Variants in VPS41 observed in about 807,000 individuals in gnomAD.
VPS41 encodes the protein VPS41 subunit of HOPS complex, also known as vacuolar protein sorting-associated protein 41 homolog.
A neutral mutation model predicts 130.9 loss-of-function variants in VPS41; 85 were observed. The ratio of observed to expected loss-of-function variants is 0.65; its 90% CI spans 0.55 to 0.78. The LOEUF (loss-of-function observed/expected upper bound fraction) is 0.78. VPS41 is among the 30% of genes least tolerant of loss of function. VPS41 has a pLI of 0.00. For missense variants in VPS41, 874 were observed against 1,018.7 expected (o/e 0.86, Z 1.93); for synonymous variants, 335 against 332.9 (o/e 1.01, Z -0.07).
chr7:38,858,782 A>G (rs993362662), intron 4 of VPS41, among the ~76,000 whole-genome samples: 29 of 152,352 alleles, frequency 1.9e-4, no homozygotes, highest in African/African-American at 7.0e-4. Context: ...TGTACTACAT[A>G]ATACGTGATA....
intron 25 of VPS41, among the ~76,000 whole-genome samples, chr7:38,734,177 A>C (rs1245273717): frequency 1.3e-5 from 2 of 152,230 alleles, no homozygotes; most frequent in African/African-American, 4.8e-5. Flanking sequence ...CTCAAAAAAT[A>C]CTTGTAGGCA....
intron 3 of VPS41, 102 bp downstream of exon 3, chr7:38,869,044 T>C: frequency 2.4e-6 from 2 of 819,646 alleles, no homozygotes; most frequent in Non-Finnish European, 3.9e-6. Flanking sequence ...GGAGACAGAA[T>C]CACTGTAAAA....
chr7:38,740,467 C>T (rs1303255431), intron 25 of VPS41, among the ~76,000 whole-genome samples: 1 of 152,188 alleles, frequency 6.6e-6, no homozygotes, highest in African/African-American at 2.4e-5. Context: ...CCTCTCTTTG[C>T]CTATTAACCC....
chr7:38,791,721 G>A (rs1186451823), intron 9 of VPS41, among the ~76,000 whole-genome samples: 4 of 152,228 alleles, frequency 2.6e-5, no homozygotes, highest in Admixed American at 6.5e-5. Context: ...GGAGAGTAAC[G>A]GAGAGGCAGA....
intron 7 of VPS41, among the ~76,000 whole-genome samples, chr7:38,806,949 C>T (rs565925861): frequency 7.2e-5 from 11 of 152,322 alleles, no homozygotes; most frequent in African/African-American, 1.9e-4. Context: ...AGGACAGAAG[C>T]AAGACCACTC....
intron 19 of VPS41, among the ~76,000 whole-genome samples, chr7:38,756,458 A>G (rs929840012): frequency 6.6e-6 from 1 of 152,230 alleles, no homozygotes; most frequent in African/African-American, 2.4e-5. Context: ...GTCGGTCAAG[A>G]TGGAAGTTCA....
intron 2 of VPS41, among the ~76,000 whole-genome samples, chr7:38,871,107 G>T (rs1786348624): frequency 1.3e-5 from 2 of 152,146 alleles, no homozygotes; most frequent in Admixed American, 6.5e-5. Context: ...AACATTTAAA[G>T]AGATAACAAC....
intron 2 of VPS41, among the ~76,000 whole-genome samples, chr7:38,891,617 A>T (rs1447445201): frequency 6.6e-6 from 1 of 152,232 alleles, no homozygotes; most frequent in African/African-American, 2.4e-5. Context: ...TTTACTACCT[A>T]GAACTTTACA....
intron 7 of VPS41, among the ~76,000 whole-genome samples, chr7:38,808,036 C>T (rs568654433): frequency 6.6e-6 from 1 of 152,094 alleles, no homozygotes; most frequent in Non-Finnish European, 1.5e-5. Flanking sequence ...AAAAAGTTAG[C>T]TGAACTCATT....
chr7:38,909,069 T>C, intron 1 of VPS41, 85 bp downstream of exon 1: 1 of 1,396,424 alleles, frequency 7.2e-7, no homozygotes, highest in Non-Finnish European at 1.0e-6. Flanking sequence ...GCTCCGCACC[T>C]CCACCCACTC....
intron 4 of VPS41, among the ~76,000 whole-genome samples, chr7:38,839,090 C>G (rs901088759): frequency 9.9e-5 from 15 of 152,240 alleles, no homozygotes; most frequent in African/African-American, 3.6e-4. Flanking sequence ...TTTTTGTTCT[C>G]TCAGAGACCC....
At chr7:38,901,230 T>C (rs879892560) in intron 1 of VPS41, among the ~76,000 whole-genome samples, 17 of 152,224 alleles carry the variant, frequency 1.1e-4, no homozygotes, top group Admixed American at 2.0e-4. Flanking sequence ...TACTGTTAAA[T>C]GGGTACAGAG....
intron 2 of VPS41, among the ~76,000 whole-genome samples, chr7:38,872,640 G>A (rs894057456): frequency 1.3e-5 from 2 of 152,144 alleles, no homozygotes; most frequent in African/African-American, 4.8e-5. Flanking sequence ...GTTATCCATA[G>A]GGCCTACACA....
intron 24 of VPS41, 80 bp downstream of exon 24, chr7:38,743,322 T>A (rs2115644916): frequency 6.5e-7 from 1 of 1,531,640 alleles, no homozygotes; most frequent in East Asian, 2.3e-5. Context: ...CAATGTATCT[T>A]GAAATAGTTT....
chr7:38,821,629 C>T (rs540171379), intron 5 of VPS41, among the ~76,000 whole-genome samples: 91 of 147,992 alleles, frequency 6.1e-4, no homozygotes, highest in Middle Eastern at 3.6e-3. Context: ...ATTGCTTGAA[C>T]CTGGGAGGCA....
intron 22 of VPS41, among the ~76,000 whole-genome samples, chr7:38,749,665 T>C (rs537540598): frequency 1.1e-4 from 17 of 152,300 alleles, no homozygotes; most frequent in African/African-American, 3.6e-4. Flanking sequence ...GAGATCACAT[T>C]TTCTATGAGT....
chr7:38,801,619 C>T (rs1470830367), intron 7 of VPS41, among the ~76,000 whole-genome samples: 1 of 152,160 alleles, frequency 6.6e-6, no homozygotes, highest in African/African-American at 2.4e-5. Context: ...TTTATTGGTT[C>T]TGTATATGTT....
At chr7:38,735,615 C>T (rs896108145) in intron 25 of VPS41, among the ~76,000 whole-genome samples, 5 of 152,144 alleles carry the variant, frequency 3.3e-5, no homozygotes, top group African/African-American at 1.2e-4. Context: ...CAATTTAGAT[C>T]ATGAGCAGCA....
At chr7:38,728,459 CGGT>C in intron 27 of VPS41, 80 bp downstream of exon 27, 1 of 1,403,408 alleles carries the variant, frequency 7.1e-7, no homozygotes, top group Non-Finnish European at 1.0e-6. Flanking sequence ...GTTTTATAAA[CGGT>C]AGTTGGCTAA....
Sources: allele counts gnomAD v4.1 joint callset (sites outside exome capture counted in the v4.1 genomes callset), GRCh38; gene constraint gnomAD v4.1.1; transcripts MANE v1.5; gene names NCBI Gene and HGNC (gene_info 2026-07-23, HGNC 2026-07-21).